Variants in CAMTA2 observed in about 807,000 individuals in gnomAD.
CAMTA2 encodes calmodulin-binding transcription activator 2.
A neutral mutation model predicts 135.7 loss-of-function variants in CAMTA2; 56 were observed. That is an observed-to-expected ratio of 0.41 (90% CI 0.33 to 0.52). The LOEUF (loss-of-function observed/expected upper bound fraction) is 0.52. CAMTA2 is among the 20% of genes least tolerant of loss of function. The probability of loss-of-function intolerance (pLI) is 0.16; values close to 1 mark genes in which losing one functional copy is unlikely to be tolerated. For synonymous variants in CAMTA2, 591 were observed against 604.6 expected (o/e 0.98, Z 0.33); for missense variants, 1,358 against 1,553.4 (o/e 0.87, Z 2.11).
intron 14 of CAMTA2, 39 bp downstream of exon 14, chr17:4,973,136 T>C (rs1200044665): frequency 1.9e-6 from 3 of 1,580,020 alleles, no homozygotes; most frequent in African/African-American, 1.3e-5. Flanking sequence ...TTCCCATTGC[T>C]CCCTGCCCCA....
Position 4,969,811 on chromosome 17 carries a change from CT to C in CAMTA2, c.3189+90del, listed in dbSNP as rs751834524. 24 of 1,590,974 alleles carry C rather than the reference CT, an allele frequency of 1.5e-5. 1 individual carries two copies. In the Admixed American group the frequency reaches 3.9e-4, roughly 26 times the overall value. ...ACCCTTTACCCCATCCAAGGCCTGTCTGCACGACTACTCATCCTCCAAAAGC... is the reference window on the plus strand; with the variant it reads ...ACCCTTTACCCCATCCAAGGCCTGTCGCACGACTACTCATCCTCCAAAAGC... On this transcript the variant is annotated intron_variant, in intron 18 of 22. Transcript: ENST00000348066. The surrounding 1 kb of genome is among the most constrained non-coding windows in gnomAD (Gnocchi z 5.6).
intron 10 of CAMTA2, 38 bp from the exon 11 acceptor site, chr17:4,977,230 C>G (rs1307679054): frequency 6.2e-7 from 1 of 1,602,640 alleles, no homozygotes; most frequent in Non-Finnish European, 8.5e-7. Context: ...GCTCTCTTTC[C>G]CTGGCTCCTT....
rs1459506605 is a variant in CAMTA2, at chr17:4,986,201, C to T, written c.22G>A (p.Glu8Lys). The T allele has an allele frequency of 6.2e-6, 10 of 1,601,004 alleles. No individual in the cohort carries two copies. Among genetic ancestry groups the T allele is most frequent in the South Asian group, 4.4e-5 (4 of 90,818 alleles). Residue 8 changes from glutamate to lysine, a missense_variant, in exon 2 of 23, where the codon GAG becomes AAG. Around this residue, in one of 4 missense-constraint regions of CAMTA2, gnomAD observed 105 missense variants for 190.9 expected, o/e 0.55. Transcript: ENST00000348066. MNTKDTT[E>K]VAENSHHLKI... The stretch of plus-strand genomic sequence containing the variant: ...TGGTTTGTGAACTTACCAGCAACCT[C>T]GGTGGTGTCCTTGGTATTCATGGTG...
At position 4,975,686 on chromosome 17, in the gene CAMTA2, G is replaced by A. The variant is rs147464796; in HGVS notation, c.1901-1186C>T. Among the ~76,000 whole-genome samples the A allele has an allele frequency of 1.1e-3, 169 of 152,184 alleles. 4 individuals are homozygous for A. In the South Asian group the frequency reaches 0.021, roughly 19 times the overall value. ...AGGCGAAACTAAGGACCAGAGCTCC[G>A]GAGAGAGAGAAGTAAGGACAGAGGG... On this transcript the variant is annotated intron_variant, in intron 11 of 22. Transcript: ENST00000348066.
At chr17:4,974,640 C>T (rs1254819553) in intron 11 of CAMTA2, 140 bp from the exon 12 acceptor site, 1 of 612,730 alleles carries the variant, frequency 1.6e-6, no homozygotes, top group Non-Finnish European at 3.0e-6. Context: ...AGCTCCTTTA[C>T]CCCTTCACCT....
chr17:4,979,529 A>AT, intron 9 of CAMTA2, 155 bp downstream of exon 9: 16 of 438,456 alleles, frequency 3.6e-5, no homozygotes, highest in Non-Finnish European at 4.4e-5. Context: ...AAAAAAAAAA[A>AT]GAGAGAGATT....
intron 6 of CAMTA2, 70 bp from the exon 7 acceptor site, chr17:4,981,901 C>T (rs1972983369): frequency 6.8e-7 from 1 of 1,481,196 alleles, no homozygotes; most frequent in South Asian, 1.3e-5. Flanking sequence ...CTAATCCTCA[C>T]TTTCTTCCTG....
chr17:4,985,817 C>A, intron 3 of CAMTA2, 63 bp downstream of exon 3: 5 of 994,064 alleles, frequency 5.0e-6, no homozygotes, highest in South Asian at 3.8e-5. Context: ...AAAGACCCCC[C>A]ACTCACCCTC....
In CAMTA2 at chr17:4,970,463, C is replaced by G. The variant is rs202133009; in HGVS notation, c.2882G>C (p.Gly961Ala). 6.2e-7 allele frequency: 1 copy of G among 1,614,182 alleles called. No individual in the cohort carries two copies. Among genetic ancestry groups the G allele is most frequent in the Non-Finnish European group, 8.5e-7 (1 of 1,180,044 alleles). ...PERIKREDFV[G>A]LPEAGASMRE... ...CATTGAGGCTCCAGCCTCGGGCAGC[C>G]CCACGAAGTCCTCTCGTTTAATCCG... is the stretch of plus-strand genomic sequence containing the variant. The change falls in exon 17 of 23, where the codon GGG becomes GCG. Residue 961 changes from glycine (G) to alanine (A), a missense_variant. Physicochemically the swap from Gly to Ala is moderately conservative, Grantham distance 60 (BLOSUM62 0). Transcript: ENST00000348066.
At chr17:4,973,531 C>T (rs956196971) in intron 13 of CAMTA2, 54 bp downstream of exon 13, 41 of 1,537,754 alleles carry the variant, frequency 2.7e-5, no homozygotes, top group Non-Finnish European at 3.5e-5. Flanking sequence ...CTTCAGTCCC[C>T]TGACACTTCT....
chr17:4,969,437 C>T lies in CAMTA2; in HGVS notation c.3282+63G>A, dbSNP rs1053951604. The T allele has an allele frequency of 1.2e-6, 2 of 1,608,528 alleles. No homozygotes were observed. The highest frequency in any genetic ancestry group is 4.5e-5 in the East Asian group (2 of 44,848). On this transcript the variant is annotated intron_variant, in intron 20 of 22. Transcript: ENST00000348066. The surrounding 1 kb of genome is among the most constrained non-coding windows in gnomAD (Gnocchi z 5.6). ...TAGGCTGATGCAAGACTCTCTGTAA[C>T]CCACACACTCAAGGAAAGACTGAAT...
At position 4,968,729 on chromosome 17, in the gene CAMTA2, AG is replaced by A. The variant is rs1972064091; in HGVS notation, c.*26del. On this transcript the variant is annotated 3_prime_UTR_variant, in exon 23 of 23. Transcript: ENST00000348066. ...TGTTAAGACTGCACGAGGCGCCCCCAGGGTGGTGAGAAAGGCGGTGGCCAGG... is the reference window on the plus strand; with the variant it reads ...TGTTAAGACTGCACGAGGCGCCCCCAGGTGGTGAGAAAGGCGGTGGCCAGG... 1 of 1,613,618 alleles carries A rather than the reference AG, an allele frequency of 6.2e-7. No homozygotes were observed. The highest frequency in any genetic ancestry group is 1.1e-5 in the South Asian group (1 of 91,084).
At chr17:4,974,933 T>C (rs1972524807) in intron 11 of CAMTA2, among the ~76,000 whole-genome samples, 1 of 152,146 alleles carries the variant, frequency 6.6e-6, no homozygotes, top group African/African-American at 2.4e-5. Flanking sequence ...TAATAACCAC[T>C]GCCCCAAAAA....
At chr17:4,971,817 C>A (rs1972305343) in intron 16 of CAMTA2, among the ~76,000 whole-genome samples, 1 of 150,854 alleles carries the variant, frequency 6.6e-6, no homozygotes, top group Admixed American at 6.7e-5. Context: ...GCCTCTCAAA[C>A]AGCTGGGATT....
rs1442873652 is a variant in CAMTA2 at position 4,980,706 on chromosome 17, C to T, written c.701-85G>A. On this transcript the variant is annotated intron_variant, in intron 8 of 22. Transcript: ENST00000348066. The surrounding 1 kb of genome is among the most constrained non-coding windows in gnomAD (Gnocchi z 5.3). ...ACCTTGAGGCCCTTAAAAGTATTTC[C>T]TGGGACGTCCCTATAAACCAGAGGT... 5 of 1,039,262 alleles carry T rather than the reference C, an allele frequency of 4.8e-6. No homozygotes were observed. Among genetic ancestry groups the T allele is most frequent in the South Asian group, 1.4e-5 (1 of 71,810 alleles). The allele number at this position is 1,039,262 out of a possible 1,614,324, so 64.4% of individuals were successfully genotyped here.
At chr17:4,970,147 G>A in intron 17 of CAMTA2, 62 bp from the exon 18 acceptor site, 3 of 1,512,000 alleles carry the variant, frequency 2.0e-6, no homozygotes, top group Non-Finnish European at 2.7e-6. Context: ...TGCCACCTAT[G>A]GATGGCTACG....
At position 4,968,063 on chromosome 17, in the gene CAMTA2, G is replaced by A. The variant is rs914202082; in HGVS notation, c.*693C>T. ...CATGCACAAGTAGAAAGTGCCCGTG[G>A]AGCCGGCAGGAGGCCCCCGCCGCGC... On this transcript the variant is annotated 3_prime_UTR_variant, in exon 23 of 23. Transcript: ENST00000348066. 3.1e-5 allele frequency: 16 copies of A among 514,918 alleles called. No homozygotes were observed. The highest frequency in any genetic ancestry group is 3.1e-4 in the African/African-American group (16 of 51,938). The allele number at this position is 514,918 out of a possible 1,614,324, so 31.9% of individuals were successfully genotyped here.
chr17:4,977,430 T>C (rs981505652), intron 10 of CAMTA2, among the ~76,000 whole-genome samples: 2 of 152,248 alleles, frequency 1.3e-5, no homozygotes, highest in Non-Finnish European at 2.9e-5. Context: ...GTTGAAGATA[T>C]TTGTTATTCA....
At position 4,979,962 on chromosome 17, in the gene CAMTA2, T is replaced by C; in HGVS notation, c.1360A>G (p.Lys454Glu). 6.2e-7 allele frequency: 1 copy of C among 1,613,276 alleles called. No individual in the cohort carries two copies. Among genetic ancestry groups the C allele is most frequent in the East Asian group, 2.2e-5 (1 of 44,872 alleles). ...IQDDDSGEEL[K>E]GHGAAPPIPS... is the part of the protein sequence containing the mutation. ...ATGGGTGGGGCAGCCCCGTGACCCT[T>C]GAGCTCCTCCCCACTGTCATCATCT... is the stretch of plus-strand genomic sequence containing the variant. The change falls in exon 9 of 23, where the codon AAG becomes GAG. Residue 454 changes from lysine (K) to glutamate (E), a missense_variant. Coordinates refer to ENST00000348066, the MANE Select transcript of CAMTA2 (RefSeq NM_015099.4).
Sources: allele counts gnomAD v4.1 joint callset (sites outside exome capture counted in the v4.1 genomes callset), GRCh38; gene constraint gnomAD v4.1.1; regional missense constraint gnomAD v4.1.1; non-coding constraint Gnocchi (gnomAD v3.1); transcripts MANE v1.5; gene names NCBI Gene and HGNC (gene_info 2026-07-23, HGNC 2026-07-21).